Variants in ASIC2 observed in about 807,000 individuals in gnomAD.
ASIC2 encodes acid sensing ion channel subunit 2, also known as acid-sensing ion channel 2.
A neutral mutation model predicts 57.3 loss-of-function variants in ASIC2; 25 were observed. The observed-to-expected ratio is 0.44, with a 90% CI of 0.32 to 0.61. ASIC2 has a LOEUF of 0.61. Ranked by LOEUF, ASIC2 falls within the 20% of genes least tolerant of loss-of-function variation. ASIC2 has a pLI of 0.06. For synonymous variants in ASIC2, 319 were observed against 307.5 expected (o/e 1.04, Z -0.39); for missense variants, 641 against 738.1 (o/e 0.87, Z 1.52).
intron 1 of ASIC2, among the ~76,000 whole-genome samples, chr17:33,345,925 G>A (rs1907924370): frequency 6.6e-6 from 1 of 152,002 alleles, no homozygotes; most frequent in South Asian, 2.1e-4. Flanking sequence ...GGTGTTGACA[G>A]CAGAGACAGA....
At chr17:33,573,678 G>A (rs1916524518) in intron 1 of ASIC2, among the ~76,000 whole-genome samples, 1 of 152,144 alleles carries the variant, frequency 6.6e-6, no homozygotes, top group Non-Finnish European at 1.5e-5. Context: ...CGATTCTCCT[G>A]CCTCAGCCTC....
chr17:34,103,147 T>G (rs1010581397), intron 1 of ASIC2, among the ~76,000 whole-genome samples: 1 of 152,188 alleles, frequency 6.6e-6, no homozygotes, highest in African/African-American at 2.4e-5. Context: ...TTTTGATTTT[T>G]TGCAGGGGAG....
At chr17:33,429,622 C>A (rs1490228383) in intron 1 of ASIC2, among the ~76,000 whole-genome samples, 6 of 152,038 alleles carry the variant, frequency 3.9e-5, no homozygotes, top group Admixed American at 3.9e-4. Context: ...GATCTCCTGA[C>A]CTCGTGATCT....
chr17:33,260,520 A>G (rs1909241334), intron 1 of ASIC2, among the ~76,000 whole-genome samples: 1 of 152,202 alleles, frequency 6.6e-6, no homozygotes, highest in Non-Finnish European at 1.5e-5. Flanking sequence ...GCTGAACCTC[A>G]TCACCTCCAA....
intron 1 of ASIC2, among the ~76,000 whole-genome samples, chr17:33,517,445 T>G (rs1914607426): frequency 6.6e-6 from 1 of 152,214 alleles, no homozygotes; most frequent in South Asian, 2.1e-4. Context: ...ACCCTACACC[T>G]TAGCAATTTA....
chr17:33,252,388 C>T (rs1009377684), intron 1 of ASIC2, among the ~76,000 whole-genome samples: 1 of 152,110 alleles, frequency 6.6e-6, no homozygotes, highest in Non-Finnish European at 1.5e-5. Flanking sequence ...TGTTAGAGTC[C>T]GCTCTGTTCT....
At chr17:33,069,751 G>A (rs2092059778) in intron 3 of ASIC2, among the ~76,000 whole-genome samples, 1 of 151,896 alleles carries the variant, frequency 6.6e-6, no homozygotes, top group Admixed American at 6.6e-5. Context: ...CATTTTTTCT[G>A]GGTAACCAGC....
At chr17:33,191,854 T>C (rs1467370858) in intron 1 of ASIC2, among the ~76,000 whole-genome samples, 1 of 152,188 alleles carries the variant, frequency 6.6e-6, no homozygotes, top group Non-Finnish European at 1.5e-5. Context: ...CAAACTTCTC[T>C]TCCTATCTCA....
chr17:33,277,574 G>T (rs1170716109), intron 1 of ASIC2, among the ~76,000 whole-genome samples: 1 of 152,182 alleles, frequency 6.6e-6, no homozygotes, highest in Non-Finnish European at 1.5e-5. Flanking sequence ...CTGACCTAAC[G>T]TTTTGGAGGC....
At chr17:34,139,988 C>A (rs972174779) in intron 1 of ASIC2, among the ~76,000 whole-genome samples, 1 of 152,118 alleles carries the variant, frequency 6.6e-6, no homozygotes, top group African/African-American at 2.4e-5. Flanking sequence ...TTAAAAGAGA[C>A]AAAATAACCA....
At chr17:34,108,816 T>C (rs1911160107) in intron 1 of ASIC2, among the ~76,000 whole-genome samples, 1 of 152,146 alleles carries the variant, frequency 6.6e-6, no homozygotes, top group Non-Finnish European at 1.5e-5. Flanking sequence ...GTTAAGTGCA[T>C]ATCCATTTAT....
At chr17:33,222,088 A>T (rs1907709360) in intron 1 of ASIC2, among the ~76,000 whole-genome samples, 1 of 152,154 alleles carries the variant, frequency 6.6e-6, no homozygotes, top group South Asian at 2.1e-4. Context: ...GATACCTGGG[A>T]TGCTTTTTGT....
At chr17:33,538,934 A>G (rs1915321095) in intron 1 of ASIC2, among the ~76,000 whole-genome samples, 1 of 152,220 alleles carries the variant, frequency 6.6e-6, no homozygotes, top group African/African-American at 2.4e-5. Flanking sequence ...ATTTTAGCCC[A>G]TAAAACCCAT....
chr17:33,482,930 T>C (rs1913454429), intron 1 of ASIC2, among the ~76,000 whole-genome samples: 1 of 152,216 alleles, frequency 6.6e-6, no homozygotes, highest in African/African-American at 2.4e-5. Flanking sequence ...TTTCTTTTCC[T>C]TGACTCCATT....
At chr17:34,118,184 T>A (rs919269749) in intron 1 of ASIC2, among the ~76,000 whole-genome samples, 1 of 152,194 alleles carries the variant, frequency 6.6e-6, no homozygotes, top group East Asian at 1.9e-4. Context: ...GTTTACTTAA[T>A]TTTTCTAAGC....
chr17:34,021,267 T>A (rs376721208), intron 1 of ASIC2, among the ~76,000 whole-genome samples: 282 of 150,934 alleles, frequency 1.9e-3, no homozygotes, highest in African/African-American at 6.6e-3. Context: ...AAAAAAAAAA[T>A]AGACTACTGC....
intron 1 of ASIC2, among the ~76,000 whole-genome samples, chr17:33,454,648 T>G (rs981107023): frequency 6.6e-6 from 1 of 152,212 alleles, no homozygotes; most frequent in Non-Finnish European, 1.5e-5. Context: ...CTCAGTCCAT[T>G]CCTGCTGCTA....
intron 1 of ASIC2, chr17:34,118,373 T>C (rs1911491479): frequency 6.6e-6 from 1 of 152,198 alleles, no homozygotes; most frequent in African/African-American, 2.4e-5. Context: ...TTATTTTCTT[T>C]CATGTGTATG....
In ASIC2 at chr17:34,156,617, T is replaced by A; in HGVS notation, c.-85A>T. On this transcript the variant is annotated 5_prime_UTR_variant, in exon 1 of 10. Coordinates refer to the ASIC2 transcript ENST00000359872. This position sits in a 1 kb window ranked among gnomAD's most constrained non-coding sequence, Gnocchi z 4.4. The stretch of plus-strand genomic sequence containing the variant: ...CCAGTCCTCGGGCTCTGCTTAAACC[T>A]TGACGTTCAGGGGAGAGAACGCAAG... The A allele has an allele frequency of 1.4e-6, 2 of 1,411,800 alleles. No homozygotes were observed. The highest frequency in any genetic ancestry group is 2.4e-5 in the East Asian group (1 of 42,022). 87.5% of individuals were successfully genotyped at this position (1,411,800 alleles called of 1,614,324 possible).
Sources: allele counts gnomAD v4.1 joint callset (sites outside exome capture counted in the v4.1 genomes callset), GRCh38; gene constraint gnomAD v4.1.1; non-coding constraint Gnocchi (gnomAD v3.1); transcripts MANE v1.5; gene names NCBI Gene and HGNC (gene_info 2026-07-23, HGNC 2026-07-21).